The following MYO1F variants were observed in gnomAD, a reference collection of about 807,000 sequenced individuals.
The protein encoded by MYO1F is myosin IF.
In MYO1F, 60 loss-of-function variants were observed where a neutral mutation model predicts 146.6. The observed-to-expected ratio is 0.41, with a 90% confidence interval of 0.33 to 0.51. The LOEUF is 0.51. Among genes scored for constraint, MYO1F ranks in the 20% least tolerant of loss-of-function variants. The pLI is 0.25. For synonymous variants in MYO1F, 602 were observed against 602.1 expected, an observed-to-expected ratio of 1.00 and a Z score of 0.00; for missense variants, 1,274 against 1,534.3, an observed-to-expected ratio of 0.83 and a Z score of 2.83.
At chr19:8,561,029 G>A (rs1367394694) in intron 1 of MYO1F, among the ~76,000 whole-genome samples, 4 of 149,970 alleles carry the variant, frequency 2.7e-5, no homozygotes, top group Non-Finnish European at 5.9e-5. Flanking sequence ...GAGCCACTGC[G>A]CCTGGCCACG....
chr19:8,567,515 C>T (rs2042026438), intron 1 of MYO1F, among the ~76,000 whole-genome samples: 1 of 152,080 alleles, frequency 6.6e-6, no homozygotes, highest in Admixed American at 6.6e-5. Flanking sequence ...ATTACAGGCG[C>T]CTGGCTGATT....
intron 1 of MYO1F, among the ~76,000 whole-genome samples, chr19:8,556,202 A>G (rs1973847056): frequency 6.7e-6 from 1 of 150,126 alleles, no homozygotes; most frequent in African/African-American, 2.4e-5. Context: ...CTAATTTTTA[A>G]TATTTTTGGT....
At chr19:8,564,912 A>C (rs2041975248) in intron 1 of MYO1F, among the ~76,000 whole-genome samples, 1 of 152,008 alleles carries the variant, frequency 6.6e-6, no homozygotes, top group Non-Finnish European at 1.5e-5. Context: ...AACTGGAATT[A>C]CAGGCGCCTG....
At chr19:8,557,505 G>A (rs1203997061) in intron 1 of MYO1F, among the ~76,000 whole-genome samples, 2 of 152,066 alleles carry the variant, frequency 1.3e-5, no homozygotes, top group Non-Finnish European at 2.9e-5. Flanking sequence ...GTCTTGCTAT[G>A]TTGCCCTGGC....
chr19:8,551,158 T>C (rs900267572), intron 8 of MYO1F, among the ~76,000 whole-genome samples: 12 of 151,762 alleles, frequency 7.9e-5, no homozygotes, highest in Admixed American at 2.0e-4. Context: ...TTTAAGCGAT[T>C]CTCCTGCCTC....
At chr19:8,544,629 G>A (rs1236532600) in intron 13 of MYO1F, among the ~76,000 whole-genome samples, 165 bp from the exon 14 acceptor site, 4 of 151,680 alleles carry the variant, frequency 2.6e-5, no homozygotes, top group Admixed American at 6.6e-5. Context: ...CACAAAAGGC[G>A]TTGCAGGGGT....
chr19:8,545,615 T>G (rs1042942306), intron 13 of MYO1F, 35 bp downstream of exon 13: 3,372 of 1,541,468 alleles, frequency 2.2e-3, no homozygotes, highest in Non-Finnish European at 2.8e-3. Context: ...AGGGGACCAG[T>G]GAGACGCCCC....
At chr19:8,556,721 A>G (rs894990709) in intron 1 of MYO1F, among the ~76,000 whole-genome samples, 1 of 150,982 alleles carries the variant, frequency 6.6e-6, no homozygotes. Context: ...AACCCCGTCT[A>G]TACTAAAAAT....
At chr19:8,569,772 G>A (rs1374201281) in intron 1 of MYO1F, among the ~76,000 whole-genome samples, 2 of 152,182 alleles carry the variant, frequency 1.3e-5, no homozygotes, top group Non-Finnish European at 2.9e-5. Flanking sequence ...GGCCTTGGGT[G>A]TGTGGTGGAC....
chr19:8,553,339 C>T lies in MYO1F; in HGVS notation c.414+11G>A. The T allele has an allele frequency of 1.2e-6, 2 of 1,613,942 alleles. No individual in the cohort carries two copies. The highest frequency in any genetic ancestry group is 1.7e-6 in the Non-Finnish European group (2 of 1,179,908). Reference sequence around the variant, plus strand: ...GCGACCCAGCTTATCCTTCTGTTTTCCTCGTCTCACCTGGACCTTCTCGCC... The same window carrying T: ...GCGACCCAGCTTATCCTTCTGTTTTTCTCGTCTCACCTGGACCTTCTCGCC... On this transcript the variant is annotated intron_variant, in intron 5 of 27. Coordinates refer to ENST00000644032, the MANE Select transcript of MYO1F (RefSeq NM_012335.4).
chr19:8,527,027 G>C, intron 22 of MYO1F, 92 bp from the exon 23 acceptor site: 5 of 1,541,806 alleles, frequency 3.2e-6, no homozygotes, highest in Non-Finnish European at 4.4e-6. Context: ...TGGATTTAGG[G>C]AAGGGTCAGC....
intron 13 of MYO1F, 194 bp downstream of exon 13, chr19:8,545,456 G>C: frequency 1.5e-6 from 1 of 652,654 alleles, no homozygotes; most frequent in Non-Finnish European, 2.8e-6. Context: ...TTAAGTGAAA[G>C]GTGGACAAGT....
chr19:8,552,114 G>GC lies in MYO1F; in HGVS notation c.554dup (p.Lys186GlnfsTer17). 6.2e-7 allele frequency: 1 copy of GC among 1,614,016 alleles called. No individual in the cohort carries two copies. Among genetic ancestry groups the GC allele is most frequent in the Non-Finnish European group, 8.5e-7 (1 of 1,180,004 alleles). On this transcript the variant is annotated frameshift_variant, in exon 7 of 28. Transcript: ENST00000644032. LOFTEE classifies it high-confidence loss of function. ...TCTCCAGCAAGAAGTTGGAGATCTTGCCCCCATCTGGCTCCCCACCTCGGC... is the reference window on the plus strand; with the variant it reads ...TCTCCAGCAAGAAGTTGGAGATCTTGCCCCCCATCTGGCTCCCCACCTCGGC...
At chr19:8,571,367 C>T (rs1468853360) in intron 1 of MYO1F, among the ~76,000 whole-genome samples, 2 of 152,128 alleles carry the variant, frequency 1.3e-5, no homozygotes, top group African/African-American at 4.8e-5. Context: ...AGGCTCCATC[C>T]CTCAGGGGAG....
chr19:8,529,638 G>A (rs934470382), intron 21 of MYO1F, among the ~76,000 whole-genome samples: 19 of 152,034 alleles, frequency 1.2e-4, no homozygotes, highest in African/African-American at 4.1e-4. Flanking sequence ...GGATGGGTGT[G>A]TCTAGGATAG....
At chr19:8,522,268 C>T (rs937202754) in intron 27 of MYO1F, 109 bp downstream of exon 27, 29 of 1,393,016 alleles carry the variant, frequency 2.1e-5, no homozygotes, top group Middle Eastern at 1.8e-4. Context: ...GTGATCTGCC[C>T]GCCTTGGCCT....
chr19:8,549,809 G>GT, intron 10 of MYO1F: 77 of 334,198 alleles, frequency 2.3e-4, no homozygotes, highest in East Asian at 5.9e-4. Flanking sequence ...CTGGCCAAAA[G>GT]TTTTTTTTAG....
At chr19:8,550,824 A>G in intron 8 of MYO1F, 130 bp from the exon 9 acceptor site, 1 of 1,220,404 alleles carries the variant, frequency 8.2e-7, no homozygotes, top group Non-Finnish European at 1.2e-6. Context: ...TACCCCTTTC[A>G]GTCACTTGCC....
chr19:8,526,242 G>A (rs1972260297), intron 24 of MYO1F, among the ~76,000 whole-genome samples: 1 of 152,182 alleles, frequency 6.6e-6, no homozygotes, highest in Non-Finnish European at 1.5e-5. Flanking sequence ...CAAGACAATC[G>A]CTTGAACCCG....
Sources: gnomAD v4.1 joint callset for allele counts (sites outside exome capture counted in the v4.1 genomes callset) on GRCh38, gnomAD v4.1.1 for gene constraint, MANE v1.5 for transcripts, NCBI Gene and HGNC (gene_info 2026-07-23, HGNC 2026-07-21) for gene names.